The following PCDH15 variants were observed in gnomAD, a reference collection of about 807,000 sequenced individuals.
PCDH15 encodes the protein protocadherin related 15.
Under a neutral mutation model 178.5 loss-of-function variants are expected in PCDH15, and 129 were observed. The observed-to-expected ratio is 0.72, with a 90% CI of 0.63 to 0.84. The LOEUF (loss-of-function observed/expected upper bound fraction) is 0.84. PCDH15 is among the 40% of genes least tolerant of loss of function. The pLI is 0.00. For missense variants in PCDH15, 2,230 were observed against 2,099.9 expected (o/e 1.06, Z -1.21); for synonymous variants, 800 against 732.0 (o/e 1.09, Z -1.50).
intron 21 of PCDH15, among the ~76,000 whole-genome samples, chr10:53,988,459 G>C (rs1462112785): frequency 2.6e-5 from 4 of 152,140 alleles, no homozygotes. Flanking sequence ...ACCTCAGGCT[G>C]TGACACAGTC....
intron 1 of PCDH15, among the ~76,000 whole-genome samples, chr10:55,307,774 C>T (rs1301480020): frequency 6.6e-6 from 1 of 151,866 alleles, no homozygotes; most frequent in Non-Finnish European, 1.5e-5. Flanking sequence ...CTTCCTCAGA[C>T]ACCATAAAAA....
intron 2 of PCDH15, among the ~76,000 whole-genome samples, chr10:55,425,484 T>G (rs993730609): frequency 3.9e-5 from 6 of 152,110 alleles, no homozygotes; most frequent in South Asian, 2.1e-4. Context: ...TCAGAAAACA[T>G]ACTATTTATG....
At chr10:54,141,609 G>A (rs969417538) in intron 14 of PCDH15, among the ~76,000 whole-genome samples, 3 of 151,914 alleles carry the variant, frequency 2.0e-5, no homozygotes, top group Admixed American at 2.0e-4. Context: ...TTATTGATTG[G>A]GATTTCTCTG....
intron 1 of PCDH15, among the ~76,000 whole-genome samples, chr10:55,251,822 G>A (rs1841846209): frequency 6.6e-6 from 1 of 152,082 alleles, no homozygotes; most frequent in Admixed American, 6.5e-5. Flanking sequence ...TTAACAAAAT[G>A]ATACACAATA....
chr10:54,985,002 A>G (rs1465432397), intron 2 of PCDH15, among the ~76,000 whole-genome samples: 1 of 152,144 alleles, frequency 6.6e-6, no homozygotes, highest in African/African-American at 2.4e-5. Context: ...CATGACCCTT[A>G]TGATGGGTAA....
In PCDH15 at chr10:53,834,418, T is replaced by G. The variant is rs528381626; in HGVS notation, c.3984-2885A>C. On this transcript the variant is annotated intron_variant, in intron 29 of 37. Transcript: ENST00000644397. ...ATTATCTCCTGATTTTCCATATTTATTTTGTTTTTTAGTATTTATTGCTGA... is the reference window on the plus strand; with the variant it reads ...ATTATCTCCTGATTTTCCATATTTAGTTTGTTTTTTAGTATTTATTGCTGA... 1.8e-4 allele frequency among the ~76,000 whole-genome samples: 27 copies of G among 151,792 alleles called. No homozygotes were observed. In the East Asian group the frequency reaches 5.1e-3, roughly 29 times the overall value.
At chr10:54,015,114 A>G (rs989178000) in intron 20 of PCDH15, among the ~76,000 whole-genome samples, 2 of 152,146 alleles carry the variant, frequency 1.3e-5, no homozygotes, top group African/African-American at 4.8e-5. Context: ...CTATGTACCA[A>G]CAACATCCAA....
chr10:55,252,266 G>T (rs1564933744), intron 1 of PCDH15, among the ~76,000 whole-genome samples: 1 of 152,028 alleles, frequency 6.6e-6, no homozygotes, highest in Non-Finnish European at 1.5e-5. Context: ...TCGGGCAACA[G>T]ATTACACCCT....
rs1331514031 is a variant in PCDH15, at chr10:55,318,052, C to T, written c.-156+1547G>A. Among the ~76,000 whole-genome samples the T allele has an allele frequency of 2.0e-5, 3 of 152,062 alleles. No individual in the cohort carries two copies. The East Asian group carries it at 5.8e-4, about 29-fold the overall frequency. Reference sequence around the variant, plus strand: ...GCACTGACCTGTAGTTACAGGAGTTCCAAGTTTAGAGCGTAAAACAACAAT... The same window carrying T: ...GCACTGACCTGTAGTTACAGGAGTTTCAAGTTTAGAGCGTAAAACAACAAT... On this transcript the variant is annotated intron_variant, in intron 1 of 5. Transcript: ENST00000458638.
chr10:54,227,317 C>T (rs988453043), intron 9 of PCDH15, among the ~76,000 whole-genome samples: 1 of 152,230 alleles, frequency 6.6e-6, no homozygotes, highest in Non-Finnish European at 1.5e-5. Flanking sequence ...TCTGAGCACT[C>T]ACAGGCTCAA....
chr10:55,500,715 T>C (rs1407707228), intron 2 of PCDH15, among the ~76,000 whole-genome samples: 1 of 151,830 alleles, frequency 6.6e-6, no homozygotes, highest in Non-Finnish European at 1.5e-5. Flanking sequence ...ATTTCTGACA[T>C]CTTTGGGCAA....
intron 9 of PCDH15, among the ~76,000 whole-genome samples, chr10:54,218,021 T>A (rs2052303336): frequency 6.6e-6 from 1 of 152,176 alleles, no homozygotes; most frequent in Non-Finnish European, 1.5e-5. Context: ...AATTCATAAG[T>A]TTACGAGTGT....
At chr10:54,208,449 G>A (rs2051056904) in intron 10 of PCDH15, among the ~76,000 whole-genome samples, 1 of 151,892 alleles carries the variant, frequency 6.6e-6, no homozygotes, top group South Asian at 2.1e-4. Context: ...GAGAATAGAG[G>A]TCTCATAAAA....
At chr10:55,504,210 T>TA (rs969642695) in intron 2 of PCDH15, among the ~76,000 whole-genome samples, 1 of 150,610 alleles carries the variant, frequency 6.6e-6, no homozygotes, top group Non-Finnish European at 1.5e-5. Flanking sequence ...ATTGTAAAAT[T>TA]AAAAAAAAAT....
chr10:55,419,600 T>C (rs922602368), intron 2 of PCDH15, among the ~76,000 whole-genome samples: 2 of 151,836 alleles, frequency 1.3e-5, no homozygotes, highest in African/African-American at 4.8e-5. Flanking sequence ...CTCACAATAG[T>C]GGTTTAAAGA....
At chr10:54,747,806 A>ATTT (rs10628733) in intron 1 of PCDH15, among the ~76,000 whole-genome samples, 2,203 of 135,524 alleles carry the variant, frequency 0.016, 91 homozygotes, top group African/African-American at 0.054. Context: ...CAATGGTTAC[A>ATTT]TTTTTTTTTT....
chr10:54,242,607 T>G (rs985247384), intron 8 of PCDH15, among the ~76,000 whole-genome samples: 2 of 152,090 alleles, frequency 1.3e-5, no homozygotes. Flanking sequence ...AGTTGATGGG[T>G]CAGTAAACTT....
At chr10:55,051,668 G>A (rs530765908) in intron 2 of PCDH15, among the ~76,000 whole-genome samples, 7 of 152,076 alleles carry the variant, frequency 4.6e-5, no homozygotes, top group South Asian at 2.1e-4. Flanking sequence ...TACAGAAACC[G>A]TAACAATCAC....
chr10:54,677,905 C>A (rs1223330966), intron 1 of PCDH15, among the ~76,000 whole-genome samples: 1 of 152,138 alleles, frequency 6.6e-6, no homozygotes, highest in Non-Finnish European at 1.5e-5. Flanking sequence ...CATTTAGGAC[C>A]ACTGTACTAT....
Sources: allele counts gnomAD v4.1 joint callset (sites outside exome capture counted in the v4.1 genomes callset), GRCh38; gene constraint gnomAD v4.1.1; transcripts MANE v1.5; gene names NCBI Gene and HGNC (gene_info 2026-07-23, HGNC 2026-07-21).